The following AACS variants were observed in gnomAD, a reference collection of about 807,000 sequenced individuals.
AACS encodes acetoacetyl-CoA synthetase.
Under a neutral mutation model 83.1 loss-of-function variants are expected in AACS, and 69 were observed. The observed-to-expected ratio is 0.83, with a 90% CI of 0.68 to 1.01. The LOEUF (loss-of-function observed/expected upper bound fraction) is 1.01. AACS is among the 50% of genes least tolerant of loss of function. The pLI, the probability that AACS is intolerant of heterozygous loss-of-function variation, is 0.00. For missense variants in AACS, 866 were observed against 882.2 expected (o/e 0.98, Z 0.23); for synonymous variants, 333 against 343.4 (o/e 0.97, Z 0.33).
chr12:125,125,231 A>G (rs1397363747), intron 12 of AACS, among the ~76,000 whole-genome samples: 1 of 152,224 alleles, frequency 6.6e-6, no homozygotes, highest in Admixed American at 6.5e-5. Flanking sequence ...CCTGGGGGAA[A>G]TAGATTTATG....
chr12:125,079,759 G>C (rs773451992), intron 3 of AACS, among the ~76,000 whole-genome samples: 1 of 152,012 alleles, frequency 6.6e-6, no homozygotes, highest in African/African-American at 2.4e-5. Context: ...GCAGCTCAGT[G>C]GTTTTTAGCA....
Position 125,140,118 on chromosome 12 carries a change from G to C in AACS, c.1882-1974G>C, listed in dbSNP as rs1957459588. ...TGGAATGGACTCCTGGCATTTGAGG[G>C]CTTCCCGACTGCAGCCCTCAGGCAG... On this transcript the variant is annotated intron_variant, in intron 17 of 17. Transcript: ENST00000316519. This position sits in a 1 kb window ranked among gnomAD's most constrained non-coding sequence, Gnocchi z 5.1. 1 of 152,326 alleles carries C rather than the reference G, an allele frequency of 6.6e-6. No homozygotes were observed. The highest frequency in any genetic ancestry group is 2.1e-4 in the South Asian group (1 of 4,826). 9.4% of individuals were successfully genotyped at this position (152,326 alleles called of 1,614,324 possible).
At position 125,118,694 on chromosome 12, in the gene AACS, C is replaced by T; in HGVS notation, c.1050C>T (p.Ala350=). ...TGTCCCTTCTGGCCACAGGAGCGGC[C>T]ATGGTCTTGTACGATGGCTCCCCCC... ...WMVSLLATGA[A]MVLYDGSPLV... is the part of the protein sequence containing the mutation. The change falls in exon 10 of 18, where the codon GCC becomes GCT. Residue 350 remains alanine, a synonymous_variant. Coordinates refer to ENST00000316519, the MANE Select transcript of AACS (RefSeq NM_023928.5). 1 of 1,614,146 alleles carries T rather than the reference C, an allele frequency of 6.2e-7. No homozygotes were observed. Among genetic ancestry groups the T allele is most frequent in the Non-Finnish European group, 8.5e-7 (1 of 1,180,014 alleles).
chr12:125,070,838 G>T (rs555547852), intron 1 of AACS, among the ~76,000 whole-genome samples: 6 of 152,196 alleles, frequency 3.9e-5, no homozygotes, highest in Admixed American at 1.3e-4. Flanking sequence ...GTAGTCTGCC[G>T]TCTGGTTAGT....
chr12:125,125,070 C>T, intron 12 of AACS, 46 bp downstream of exon 12: 1 of 1,612,458 alleles, frequency 6.2e-7, no homozygotes, highest in Non-Finnish European at 8.5e-7. Flanking sequence ...CCCGCCGGCC[C>T]CATAAGTATG....
In AACS at chr12:125,086,327, CA is replaced by C. The variant is rs1409034012; in HGVS notation, c.359-2del. ...GTACAATTTACCCTTTTTCTCTTCC[CA>C]GGGGAAGGCAAAGAGGAAATTGTGA... is the stretch of plus-strand genomic sequence containing the variant. On this transcript the variant is annotated splice_acceptor_variant, in intron 3 of 17. Transcript: ENST00000316519. LOFTEE classifies it high-confidence loss of function. 1 of 1,613,200 alleles carries C rather than the reference CA, an allele frequency of 6.2e-7. No homozygotes were observed. Among genetic ancestry groups the C allele is most frequent in the East Asian group, 2.2e-5 (1 of 44,872 alleles).
At chr12:125,093,877 G>A (rs562966460) in intron 5 of AACS, among the ~76,000 whole-genome samples, 2 of 152,322 alleles carry the variant, frequency 1.3e-5, no homozygotes, top group East Asian at 1.9e-4. Context: ...GGAGTCTGTC[G>A]GCATTTGGTG....
intron 14 of AACS, among the ~76,000 whole-genome samples, chr12:125,132,578 A>AT (rs138216654): frequency 1.3e-4 from 20 of 148,644 alleles, no homozygotes; most frequent in African/African-American, 2.5e-4. Context: ...CTAGGAGTGG[A>AT]TTTTTTTTTT....
intron 1 of AACS, among the ~76,000 whole-genome samples, chr12:125,071,141 G>C (rs757057597): frequency 5.3e-5 from 8 of 152,206 alleles, no homozygotes; most frequent in Non-Finnish European, 1.0e-4. Context: ...GCTGGTGGTG[G>C]CAGCAAGGTA....
intron 8 of AACS, 36 bp downstream of exon 8, chr12:125,107,304 T>A (rs1956857113): frequency 6.2e-7 from 1 of 1,603,772 alleles, no homozygotes; most frequent in Non-Finnish European, 8.5e-7. Context: ...GGGCCTCCTG[T>A]TGTCTGTTTG....
intron 7 of AACS, among the ~76,000 whole-genome samples, chr12:125,103,987 C>CAAACAAAAAAA (rs1956776983): frequency 2.4e-5 from 1 of 41,182 alleles, no homozygotes; most frequent in African/African-American, 6.7e-5. Context: ...AACTCCGTCT[C>CAAACAAAAAAA]AAAAAAAAAA....
chr12:125,134,468 C>T (rs1049968935), intron 15 of AACS, among the ~76,000 whole-genome samples: 24 of 152,208 alleles, frequency 1.6e-4, no homozygotes, highest in African/African-American at 5.5e-4. Flanking sequence ...AGTCTCCCTG[C>T]CCTGTGATGG....
chr12:125,091,338 T>C, intron 4 of AACS, 88 bp from the exon 5 acceptor site: 2 of 1,366,608 alleles, frequency 1.5e-6, no homozygotes, highest in South Asian at 2.4e-5. Flanking sequence ...CTTCCCACTC[T>C]GACCTTGGCT....
At chr12:125,077,382 C>T (rs1203953834) in intron 3 of AACS, among the ~76,000 whole-genome samples, 5 of 151,624 alleles carry the variant, frequency 3.3e-5, no homozygotes, top group African/African-American at 4.9e-5. Context: ...TGGTGGCGGG[C>T]GCCTGTAGTC....
rs775525364 is a variant in AACS at position 125,076,624 on chromosome 12, G to A, written c.358+13G>A. 14 of 1,613,526 alleles carry A rather than the reference G, an allele frequency of 8.7e-6. No individual in the cohort carries two copies. In the South Asian group the frequency reaches 1.3e-4, roughly 15 times the overall value. The stretch of plus-strand genomic sequence containing the variant: ...CTTTACATTGCAAGTAAGTCCTGAT[G>A]GCGAGACCTGGGATTTCCTCCGTGG... On this transcript the variant is annotated intron_variant, in intron 3 of 17. Coordinates refer to ENST00000316519, the MANE Select transcript of AACS (RefSeq NM_023928.5).
chr12:125,092,080 C>T (rs539780141), intron 5 of AACS, among the ~76,000 whole-genome samples: 11 of 152,160 alleles, frequency 7.2e-5, no homozygotes, highest in Non-Finnish European at 1.5e-4. Flanking sequence ...TGTGCTGATC[C>T]CCACTGGGGC....
At chr12:125,080,732 C>T (rs577655856) in intron 3 of AACS, among the ~76,000 whole-genome samples, 1 of 152,050 alleles carries the variant, frequency 6.6e-6, no homozygotes, top group African/African-American at 2.4e-5. Context: ...AGCTCTGTCC[C>T]CCAGGCTGGA....
At chr12:125,079,272 T>A (rs1333268979) in intron 3 of AACS, among the ~76,000 whole-genome samples, 1 of 152,118 alleles carries the variant, frequency 6.6e-6, no homozygotes, top group Non-Finnish European at 1.5e-5. Flanking sequence ...CTCAGGGTTC[T>A]GAGCAAGGGC....
intron 9 of AACS, among the ~76,000 whole-genome samples, chr12:125,114,841 C>T (rs528411086): frequency 2.0e-5 from 3 of 150,382 alleles, no homozygotes; most frequent in Non-Finnish European, 3.0e-5. Context: ...GGCGCCGGCC[C>T]GTGGCACATG....
Sources: allele counts gnomAD v4.1 joint callset (sites outside exome capture counted in the v4.1 genomes callset), GRCh38; gene constraint gnomAD v4.1.1; non-coding constraint Gnocchi (gnomAD v3.1); transcripts MANE v1.5; gene names NCBI Gene and HGNC (gene_info 2026-07-23, HGNC 2026-07-21).